The following INPP5A variants were observed in gnomAD, a reference collection of about 807,000 sequenced individuals.
INPP5A encodes inositol polyphosphate-5-phosphatase A, also known as 43 kDa inositol polyphosphate 5-phophatase.
A neutral mutation model predicts 65.2 loss-of-function variants in INPP5A; 14 were observed. That is an observed-to-expected ratio of 0.21 (90% confidence interval 0.14 to 0.34). The LOEUF is 0.34. Among genes scored for constraint, INPP5A ranks in the 10% least tolerant of loss-of-function variants. The pLI is 1.00. For missense variants in INPP5A, 431 were observed against 545.6 expected (o/e 0.79, Z 2.09); for synonymous variants, 207 against 208.3 (o/e 0.99, Z 0.05).
chr10:132,672,588 C>T lies in INPP5A; in HGVS notation c.307-17804C>T, dbSNP rs2072904559. 2.0e-5 allele frequency among the ~76,000 whole-genome samples: 3 copies of T among 152,184 alleles called. No homozygotes were observed. In the South Asian group the frequency reaches 6.2e-4, roughly 31 times the overall value. The stretch of plus-strand genomic sequence containing the variant: ...TTGCCTTCTGCCATGATTGTGAGGC[C>T]TTACCAGCCATGTGGAACTGTAAGT... On this transcript the variant is annotated intron_variant, in intron 4 of 15. Transcript: ENST00000368594.
At chr10:132,757,884 T>TC in intron 11 of INPP5A, among the ~76,000 whole-genome samples, 1 of 145,506 alleles carries the variant, frequency 6.9e-6, no homozygotes, top group South Asian at 2.2e-4. Flanking sequence ...GTGGTGTGGG[T>TC]CCCCGGCTGA....
chr10:132,570,438 G>A (rs752537834), intron 1 of INPP5A, among the ~76,000 whole-genome samples: 2 of 152,110 alleles, frequency 1.3e-5, no homozygotes, highest in South Asian at 2.1e-4. Context: ...TCCTTCCGAC[G>A]AGGTATGTGG....
Position 132,773,020 on chromosome 10 carries a change from C to T in INPP5A, c.978-4651C>T, listed in dbSNP as rs190942295. 4.5e-3 allele frequency among the ~76,000 whole-genome samples: 685 copies of T among 152,364 alleles called. 12 individuals are homozygous for T. The highest frequency in any genetic ancestry group is 3.0e-3 in the Non-Finnish European group (207 of 68,026). The stretch of plus-strand genomic sequence containing the variant: ...GGGTTGCACAGGTGGAGAGGACGCC[C>T]TGGGACTCCACAGGGTGCTGTTACT... On this transcript the variant is annotated intron_variant, in intron 12 of 15. Coordinates refer to ENST00000368594, the MANE Select transcript of INPP5A (RefSeq NM_005539.5).
In INPP5A at chr10:132,770,465, G is replaced by A. The variant is rs189293379; in HGVS notation, c.977+4619G>A. On this transcript the variant is annotated intron_variant, in intron 12 of 15. Coordinates refer to ENST00000368594, the MANE Select transcript of INPP5A (RefSeq NM_005539.5). ...GGGAATTGTCACGTCCATTGCCTGG[G>A]GGCTCCCTGTGTCTGTGGACTCCTT... Among the ~76,000 whole-genome samples, 118 of 152,366 alleles carry A rather than the reference G, an allele frequency of 7.7e-4. 3 individuals carry two copies. Among genetic ancestry groups the A allele is most frequent in the Admixed American group, 7.7e-3 (118 of 15,302 alleles).
rs1257746054 is a variant in INPP5A at position 132,782,062 on chromosome 10, G to C, written c.*33G>C. On this transcript the variant is annotated 3_prime_UTR_variant, in exon 16 of 16. Coordinates refer to ENST00000368594, the MANE Select transcript of INPP5A (RefSeq NM_005539.5). The surrounding 1 kb of genome is among the most constrained non-coding windows in gnomAD (Gnocchi z 4.4). ...GGAAGAGATGCCAGCGCCACGAGAG[G>C]ACACTTCGTGAGCCTCCCTGTAGCC... 1.9e-6 allele frequency: 3 copies of C among 1,559,686 alleles called. No homozygotes were observed. Among genetic ancestry groups the C allele is most frequent in the Non-Finnish European group, 2.6e-6 (3 of 1,149,242 alleles).
intron 11 of INPP5A, among the ~76,000 whole-genome samples, chr10:132,756,252 C>T (rs1435799408): frequency 1.3e-5 from 2 of 152,038 alleles, no homozygotes; most frequent in Admixed American, 1.3e-4. Context: ...TACATGTGTG[C>T]ACTCACGTGT....
At position 132,646,111 on chromosome 10, in the gene INPP5A, A is replaced by G. The variant is rs200545675; in HGVS notation, c.218+143A>G. Reference sequence around the variant, plus strand: ...CATCTTGGCTGAGTCTCAGTTTTCCAAAGAGAGGAGTGGCCCAGACGTGTG... The same window carrying G: ...CATCTTGGCTGAGTCTCAGTTTTCCGAAGAGAGGAGTGGCCCAGACGTGTG... On this transcript the variant is annotated intron_variant, in intron 3 of 15. Coordinates refer to ENST00000368594, the MANE Select transcript of INPP5A (RefSeq NM_005539.5). 2.9e-5 allele frequency: 19 copies of G among 645,332 alleles called. No individual in the cohort carries two copies. In the East Asian group the frequency reaches 5.3e-4, roughly 18 times the overall value. 40.0% of individuals were successfully genotyped at this position (645,332 alleles called of 1,614,324 possible). A position where few individuals can be genotyped will look rare whatever the true frequency, so the allele number is the denominator to read the frequency against.
chr10:132,710,972 T>C (rs1036060284), intron 8 of INPP5A, among the ~76,000 whole-genome samples: 3 of 152,190 alleles, frequency 2.0e-5, no homozygotes, highest in African/African-American at 7.2e-5. Flanking sequence ...GATTTGCCGA[T>C]GGGCCTTACT....
chr10:132,770,208 C>G (rs766403885), intron 12 of INPP5A, among the ~76,000 whole-genome samples: 1 of 152,166 alleles, frequency 6.6e-6, no homozygotes, highest in African/African-American at 2.4e-5. Context: ...CAGGCTGAGC[C>G]TTCAGGCCCA....
intron 8 of INPP5A, among the ~76,000 whole-genome samples, chr10:132,719,757 G>A (rs910958130): frequency 2.0e-5 from 3 of 151,124 alleles, no homozygotes; most frequent in African/African-American, 7.3e-5. Flanking sequence ...TGGTACCTGG[G>A]TTCTTTCTGT....
At position 132,637,583 on chromosome 10, in the gene INPP5A, ATT is replaced by A. The variant is rs2072373574; in HGVS notation, c.118-8281_118-8280del. ...CTGTGCGATTTTGCTTTCTCAGTGG[ATT>A]TTTCTGGTTTTGATGCCCATGTTGG... On this transcript the variant is annotated intron_variant, in intron 2 of 15. Transcript: ENST00000368594. The surrounding 1 kb of genome is among the most constrained non-coding windows in gnomAD (Gnocchi z 4.1). 1.3e-5 allele frequency among the ~76,000 whole-genome samples: 2 copies of A among 150,982 alleles called. No individual in the cohort carries two copies. Among genetic ancestry groups the A allele is most frequent in the Non-Finnish European group, 3.0e-5 (2 of 67,734 alleles).
chr10:132,633,359 A>C (rs1348496406), intron 2 of INPP5A, among the ~76,000 whole-genome samples: 2 of 152,166 alleles, frequency 1.3e-5, no homozygotes, highest in Non-Finnish European at 2.9e-5. Flanking sequence ...AATGTCCAAT[A>C]GTAGGTCACG....
At chr10:132,688,576 ACAAAG>A (rs1043220085) in intron 4 of INPP5A, among the ~76,000 whole-genome samples, 1 of 152,204 alleles carries the variant, frequency 6.6e-6, no homozygotes, top group Non-Finnish European at 1.5e-5. Context: ...TCTGCCCAAA[ACAAAG>A]CAAGAGTGCA....
rs1207225154 is a variant in INPP5A, at chr10:132,644,187, G to T, written c.118-1681G>T. On this transcript the variant is annotated intron_variant, in intron 2 of 15. Coordinates refer to ENST00000368594, the MANE Select transcript of INPP5A (RefSeq NM_005539.5). The surrounding 1 kb of genome is among the most constrained non-coding windows in gnomAD (Gnocchi z 6.5). ...GCACTGCCTGGGCCTGAAGGCAGTG[G>T]GCTGTCTGGCCTCCTGAGTGCCCGG... Among the ~76,000 whole-genome samples, 5 of 152,216 alleles carry T rather than the reference G, an allele frequency of 3.3e-5. No homozygotes were observed. Among genetic ancestry groups the T allele is most frequent in the Admixed American group, 1.3e-4 (2 of 15,288 alleles).
At chr10:132,714,036 G>C (rs1264366575) in intron 8 of INPP5A, among the ~76,000 whole-genome samples, 1 of 152,206 alleles carries the variant, frequency 6.6e-6, no homozygotes, top group Non-Finnish European at 1.5e-5. Flanking sequence ...AGCGTCTCGG[G>C]GACCTCCCAC....
intron 1 of INPP5A, among the ~76,000 whole-genome samples, chr10:132,578,305 C>G (rs1434182677): frequency 6.6e-6 from 1 of 152,120 alleles, no homozygotes; most frequent in Non-Finnish European, 1.5e-5. Context: ...GTGTGGTGCT[C>G]TGTCTATGGG....
At chr10:132,747,618 GCGCCCGGGGCAC>G in intron 9 of INPP5A, among the ~76,000 whole-genome samples, 1 of 152,388 alleles carries the variant, frequency 6.6e-6, no homozygotes, top group East Asian at 1.9e-4. Context: ...GCCCCGGCCA[GCGCCCGGGGCAC>G]CGAGGTGCTC....
rs566602470 is a variant in INPP5A, at chr10:132,709,056, G to A, written c.527+691G>A. On this transcript the variant is annotated intron_variant, in intron 7 of 15. Transcript: ENST00000368594. Reference sequence around the variant, plus strand: ...ACTTAGCAGCTTTAAAAACACATACGAGGTCATAGCTGTGAGTGTCTCAGG... The same window carrying A: ...ACTTAGCAGCTTTAAAAACACATACAAGGTCATAGCTGTGAGTGTCTCAGG... Among the ~76,000 whole-genome samples the A allele has an allele frequency of 4.6e-4, 70 of 151,722 alleles. 1 individual carries two copies. The South Asian group carries it at 9.6e-3, about 21-fold the overall frequency.
chr10:132,619,928 G>A (rs749687864), intron 2 of INPP5A, among the ~76,000 whole-genome samples: 1 of 152,240 alleles, frequency 6.6e-6, no homozygotes, highest in Non-Finnish European at 1.5e-5. Context: ...GGGATTACAG[G>A]TGTGAGCCAC....
Sources: gnomAD v4.1 joint callset for allele counts (sites outside exome capture counted in the v4.1 genomes callset) on GRCh38, gnomAD v4.1.1 for gene constraint, Gnocchi (gnomAD v3.1) non-coding constraint, MANE v1.5 for transcripts, NCBI Gene and HGNC (gene_info 2026-07-23, HGNC 2026-07-21) for gene names.